The following DHRSX variants were observed in gnomAD, a reference collection of about 807,000 sequenced individuals.
The protein encoded by DHRSX is dehydrogenase/reductase X-linked.
A neutral mutation model predicts 34.0 loss-of-function variants in DHRSX; 31 were observed. That is an observed-to-expected ratio of 0.91 (90% CI 0.69 to 1.23). The LOEUF is 1.23. DHRSX is among the 50% of genes most tolerant of loss of function. The pLI is 0.00. For synonymous variants in DHRSX, 201 were observed against 183.8 expected, an observed-to-expected ratio of 1.09 and a Z score of -0.76; for missense variants, 414 against 428.1, an observed-to-expected ratio of 0.97 and a Z score of 0.29.
chrX:2,434,610 G>A (rs2043970676), intron 1 of DHRSX, among the ~76,000 whole-genome samples: 1 of 152,242 alleles, frequency 6.6e-6, no homozygotes, highest in African/African-American at 2.4e-5. Context: ...GGTCGAGGCT[G>A]CGGCAAGCTA....
At chrX:2,318,483 C>T (rs1015940714) in intron 3 of DHRSX, among the ~76,000 whole-genome samples, 2 of 152,122 alleles carry the variant, frequency 1.3e-5, no homozygotes, top group African/African-American at 2.4e-5. Context: ...CTGGCCAAAC[C>T]CCATGCAAAC....
intron 5 of DHRSX, chrX:2,261,360 C>A (rs1490888803): frequency 6.6e-6 from 1 of 152,064 alleles, no homozygotes; most frequent in Non-Finnish European, 1.5e-5. Flanking sequence ...GATAATGAGG[C>A]TCAATTCTTA....
At chrX:2,480,580 G>A (rs942403136) in intron 1 of DHRSX, among the ~76,000 whole-genome samples, 11 of 151,880 alleles carry the variant, frequency 7.2e-5, no homozygotes, top group African/African-American at 2.7e-4. Context: ...CTACTTGGGA[G>A]GCTGAGGCAG....
chrX:2,287,799 T>A (rs2041822300), intron 4 of DHRSX, among the ~76,000 whole-genome samples: 1 of 152,172 alleles, frequency 6.6e-6, no homozygotes, highest in Non-Finnish European at 1.5e-5. Context: ...GATGTCCACA[T>A]CCTAATCCTC....
At chrX:2,347,713 T>C (rs1458753522) in intron 3 of DHRSX, among the ~76,000 whole-genome samples, 2 of 152,032 alleles carry the variant, frequency 1.3e-5, no homozygotes, top group Admixed American at 6.6e-5. Flanking sequence ...AAGATTTGAG[T>C]GGGGACAGAG....
At chrX:2,324,288 A>C (rs1325621458) in intron 3 of DHRSX, among the ~76,000 whole-genome samples, 1 of 152,134 alleles carries the variant, frequency 6.6e-6, no homozygotes, top group African/African-American at 2.4e-5. Flanking sequence ...ACGGCGCTGC[A>C]TGAAGCCTGT....
At chrX:2,366,035 G>A (rs150962351) in intron 3 of DHRSX, among the ~76,000 whole-genome samples, 1 of 152,218 alleles carries the variant, frequency 6.6e-6, no homozygotes, top group East Asian at 1.9e-4. Flanking sequence ...TCCCGAATGG[G>A]AATCTCTTCA....
At chrX:2,287,449 T>C (rs2041816856) in intron 4 of DHRSX, among the ~76,000 whole-genome samples, 2 of 151,690 alleles carry the variant, frequency 1.3e-5, no homozygotes, top group African/African-American at 2.4e-5. Flanking sequence ...GCCCTGAAGA[T>C]GTCCACATCC....
At chrX:2,437,042 G>C (rs1199406653) in intron 1 of DHRSX, among the ~76,000 whole-genome samples, 2 of 152,044 alleles carry the variant, frequency 1.3e-5, no homozygotes, top group Non-Finnish European at 2.9e-5. Context: ...CTGTTGCCCA[G>C]GCTGGAGTGC....
At chrX:2,406,369 A>G (rs1211185495) in intron 3 of DHRSX, among the ~76,000 whole-genome samples, 1 of 152,194 alleles carries the variant, frequency 6.6e-6, no homozygotes, top group Non-Finnish European at 1.5e-5. Flanking sequence ...GAAAACCACC[A>G]TGAGCTACTA....
At chrX:2,458,377 T>G (rs2044341747) in intron 1 of DHRSX, among the ~76,000 whole-genome samples, 1 of 152,164 alleles carries the variant, frequency 6.6e-6, no homozygotes, top group Non-Finnish European at 1.5e-5. Context: ...ATGGCATACC[T>G]GCACCCCCTG....
chrX:2,300,367 A>C (rs2041996118), intron 3 of DHRSX, among the ~76,000 whole-genome samples: 1 of 152,158 alleles, frequency 6.6e-6, no homozygotes, highest in African/African-American at 2.4e-5. Flanking sequence ...TAATCAGAGA[A>C]ACACACACCA....
chrX:2,282,651 GGAGA>G (rs1353526373), intron 4 of DHRSX, among the ~76,000 whole-genome samples: 1 of 137,010 alleles, frequency 7.3e-6, no homozygotes, highest in Non-Finnish European at 1.6e-5. Flanking sequence ...AGGGAGAGAG[GGAGA>G]GAGAGAATGG....
chrX:2,352,712 T>C lies in DHRSX; in HGVS notation c.286+56033A>G, dbSNP rs1030063015. 1.5e-4 allele frequency among the ~76,000 whole-genome samples: 23 copies of C among 151,982 alleles called. 2 individuals are homozygous for C. Among genetic ancestry groups the C allele is most frequent in the Admixed American group, 1.4e-3 (22 of 15,228 alleles). The stretch of plus-strand genomic sequence containing the variant: ...GCGTCTTCAGGGGATACAGCAGAGG[T>C]GTGTTGAATGCTACGGTGATAGCTA... On this transcript the variant is annotated intron_variant, in intron 3 of 6. Coordinates refer to ENST00000334651, the MANE Select transcript of DHRSX (RefSeq NM_145177.3).
At chrX:2,323,710 C>T (rs1204065323) in intron 3 of DHRSX, among the ~76,000 whole-genome samples, 2 of 152,076 alleles carry the variant, frequency 1.3e-5, no homozygotes, top group African/African-American at 4.8e-5. Context: ...CTGAAGCTGT[C>T]GTGAGCCACA....
At chrX:2,248,441 A>AAAAAAG (rs2016350941) in intron 5 of DHRSX, among the ~76,000 whole-genome samples, 1 of 149,658 alleles carries the variant, frequency 6.7e-6, no homozygotes, top group African/African-American at 2.5e-5. Flanking sequence ...TCAAAAAAAA[A>AAAAAAG]AAGAAAAAAG....
At chrX:2,432,496 G>A (rs550114528) in intron 1 of DHRSX, among the ~76,000 whole-genome samples, 8 of 152,198 alleles carry the variant, frequency 5.3e-5, no homozygotes, top group East Asian at 1.9e-4. Flanking sequence ...ATAATTAAAC[G>A]GGAGGTACTA....
intron 5 of DHRSX, among the ~76,000 whole-genome samples, chrX:2,262,558 T>C (rs1416281751): frequency 6.6e-6 from 1 of 152,176 alleles, no homozygotes; most frequent in Non-Finnish European, 1.5e-5. Context: ...ACACCTCACC[T>C]GTGCACATTG....
chrX:2,424,069 G>A (rs61446898), intron 2 of DHRSX, among the ~76,000 whole-genome samples: 78 of 152,238 alleles, frequency 5.1e-4, no homozygotes, highest in African/African-American at 1.8e-3. Flanking sequence ...GGTGATTAAG[G>A]TAAAATGAGG....
Sources: gnomAD v4.1 joint callset for allele counts (sites outside exome capture counted in the v4.1 genomes callset) on GRCh38, gnomAD v4.1.1 for gene constraint, MANE v1.5 for transcripts, NCBI Gene and HGNC (gene_info 2026-07-23, HGNC 2026-07-21) for gene names.